The following PTPRG variants were observed in gnomAD, a reference collection of about 807,000 sequenced individuals.
PTPRG encodes the protein protein tyrosine phosphatase receptor type G.
Under a neutral mutation model 165.3 loss-of-function variants are expected in PTPRG, and 102 were observed. That is an observed-to-expected ratio of 0.62 (90% CI 0.53 to 0.73). The LOEUF (loss-of-function observed/expected upper bound fraction) is 0.73, where lower values mean the gene tolerates loss of function less well. Ranked by LOEUF, PTPRG falls within the 30% of genes least tolerant of loss-of-function variation. The pLI is 0.00. For synonymous variants in PTPRG, 675 were observed against 669.5 expected (o/e 1.01, Z -0.13); for missense variants, 1,866 against 1,861.4 (o/e 1.00, Z -0.05).
At chr3:61,995,883 G>A (rs1021949122) in intron 3 of PTPRG, among the ~76,000 whole-genome samples, 21 of 151,716 alleles carry the variant, frequency 1.4e-4, no homozygotes, top group Non-Finnish European at 2.6e-4. Flanking sequence ...TGTTGGACTC[G>A]ATATGTCTTT....
At chr3:61,995,495 G>A (rs1372387226) in intron 3 of PTPRG, among the ~76,000 whole-genome samples, 1 of 152,092 alleles carries the variant, frequency 6.6e-6, no homozygotes, top group African/African-American at 2.4e-5. Flanking sequence ...ACAGTGGCAT[G>A]GTTGCTCAAG....
chr3:62,129,800 A>G (rs1213348844), intron 5 of PTPRG, among the ~76,000 whole-genome samples: 1 of 152,224 alleles, frequency 6.6e-6, no homozygotes, highest in African/African-American at 2.4e-5. Flanking sequence ...ATCCAAGATC[A>G]GAGTATCTGA....
At chr3:61,857,749 G>A (rs966201335) in intron 2 of PTPRG, among the ~76,000 whole-genome samples, 2 of 152,124 alleles carry the variant, frequency 1.3e-5, no homozygotes, top group East Asian at 1.9e-4. Flanking sequence ...TGAATGTTGG[G>A]TGTGTGTTGT....
At chr3:61,869,032 A>T (rs150582418) in intron 2 of PTPRG, among the ~76,000 whole-genome samples, 3 of 151,936 alleles carry the variant, frequency 2.0e-5, no homozygotes, top group African/African-American at 7.3e-5. Flanking sequence ...ATAAAGCATT[A>T]GGAGGACGGC....
At chr3:61,898,128 C>T (rs919592839) in intron 2 of PTPRG, among the ~76,000 whole-genome samples, 5 of 152,180 alleles carry the variant, frequency 3.3e-5, no homozygotes, top group African/African-American at 9.7e-5. Flanking sequence ...GCCTTGTTCC[C>T]AATCTTAGAA....
intron 2 of PTPRG, among the ~76,000 whole-genome samples, chr3:61,771,651 T>C (rs1047224101): frequency 1.3e-5 from 2 of 152,226 alleles, no homozygotes; most frequent in Non-Finnish European, 2.9e-5. Flanking sequence ...ATTTCCTACC[T>C]TGGCTTAATG....
intron 6 of PTPRG, among the ~76,000 whole-genome samples, chr3:62,153,164 G>A (rs1455935904): frequency 6.6e-6 from 1 of 152,114 alleles, no homozygotes; most frequent in Admixed American, 6.6e-5. Flanking sequence ...TTTACTCTTT[G>A]GTACTTTATA....
intron 1 of PTPRG, among the ~76,000 whole-genome samples, chr3:61,591,052 A>G (rs1364767930): frequency 1.3e-5 from 2 of 151,976 alleles, no homozygotes; most frequent in African/African-American, 4.8e-5. Context: ...GTGGAGTGAA[A>G]CCTCCACTGG....
At chr3:61,844,320 G>A (rs1033366057) in intron 2 of PTPRG, among the ~76,000 whole-genome samples, 6 of 152,224 alleles carry the variant, frequency 3.9e-5, no homozygotes, top group Middle Eastern at 3.4e-3. Flanking sequence ...ATGAAATGGC[G>A]TATTAGCCTT....
At chr3:62,072,883 G>T (rs1167668070) in intron 4 of PTPRG, among the ~76,000 whole-genome samples, 1 of 152,096 alleles carries the variant, frequency 6.6e-6, no homozygotes, top group Non-Finnish European at 1.5e-5. Context: ...AATAACCTTT[G>T]AACCAGGACT....
intron 13 of PTPRG, among the ~76,000 whole-genome samples, chr3:62,226,773 C>A (rs990035005): frequency 6.6e-5 from 10 of 152,294 alleles, no homozygotes; most frequent in African/African-American, 2.4e-4. Flanking sequence ...TTCACTTCAG[C>A]ACATGACCAA....
chr3:62,015,554 C>G (rs1443173254), intron 4 of PTPRG, among the ~76,000 whole-genome samples: 1 of 152,168 alleles, frequency 6.6e-6, no homozygotes. Flanking sequence ...GTTGCCCAGT[C>G]TGGCCTCGAA....
chr3:62,273,891 T>TAAATGCC lies in PTPRG; in HGVS notation c.3465+48_3465+54dup. ...TTTGGCATAAAGCAAGAAAATGTTTTAAATGCCTTGAGTTTGGGGGTTATG... is the reference window on the plus strand; with the variant it reads ...TTTGGCATAAAGCAAGAAAATGTTTTAAATGCCAAATGCCTTGAGTTTGGGGGTTATG... On this transcript the variant is annotated intron_variant, in intron 23 of 29. Transcript: ENST00000474889. The surrounding 1 kb of genome is among the most constrained non-coding windows in gnomAD (Gnocchi z 4.1). 6.3e-7 allele frequency: 1 copy of TAAATGCC among 1,589,216 alleles called. No individual in the cohort carries two copies. The highest frequency in any genetic ancestry group is 8.6e-7 in the Non-Finnish European group (1 of 1,161,134).
chr3:62,273,001 A>G lies in PTPRG; in HGVS notation c.3238A>G (p.Ile1080Val), dbSNP rs1702115216. 1 of 1,613,918 alleles carries G rather than the reference A, an allele frequency of 6.2e-7. No individual in the cohort carries two copies. The highest frequency in any genetic ancestry group is 8.5e-7 in the Non-Finnish European group (1 of 1,179,860). The change falls in exon 22 of 30, where the codon ATA (isoleucine) becomes GTA (valine). Residue 1080 changes from isoleucine (I) to valine (V), a missense_variant. Ile to Val is a conservative substitution (Grantham distance 29, BLOSUM62 3). Transcript: ENST00000474889. This position sits in a 1 kb window ranked among gnomAD's most constrained non-coding sequence, Gnocchi z 4.1. ...YIVIDSMLQQ[I>V]KDKSTVNVLG... ...TGTAATAGACAGCATGCTGCAACAG[A>G]TAAAAGACAAAAGCACAGTTAACGT...
chr3:61,892,021 T>C (rs1356459350), intron 2 of PTPRG, among the ~76,000 whole-genome samples: 1 of 152,226 alleles, frequency 6.6e-6, no homozygotes, highest in Non-Finnish European at 1.5e-5. Flanking sequence ...ATTTACTAAC[T>C]GCTGGTAATG....
chr3:61,996,769 A>G (rs1205143773), intron 3 of PTPRG, among the ~76,000 whole-genome samples: 1 of 152,104 alleles, frequency 6.6e-6, no homozygotes, highest in Non-Finnish European at 1.5e-5. Context: ...TTTCATTCTA[A>G]TACTATCCAG....
intron 2 of PTPRG, among the ~76,000 whole-genome samples, chr3:61,912,344 T>C (rs1319786268): frequency 2.6e-5 from 4 of 152,108 alleles, no homozygotes; most frequent in Non-Finnish European, 5.9e-5. Context: ...GTAGGAGGAA[T>C]TTGCATAATG....
At chr3:61,620,125 C>A (rs1049210247) in intron 1 of PTPRG, among the ~76,000 whole-genome samples, 1 of 152,026 alleles carries the variant, frequency 6.6e-6, no homozygotes, top group Non-Finnish European at 1.5e-5. Flanking sequence ...AATGATGGCA[C>A]TTCTGATTTT....
chr3:61,926,602 TCCCTCCC>T (rs1559693504), intron 2 of PTPRG, among the ~76,000 whole-genome samples: 5 of 31,544 alleles, frequency 1.6e-4, no homozygotes, highest in African/African-American at 3.2e-4. Flanking sequence ...CCTCCCTCCC[TCCCTCCC>T]TCCTTCCTTC....
Sources: allele counts gnomAD v4.1 joint callset (sites outside exome capture counted in the v4.1 genomes callset), GRCh38; gene constraint gnomAD v4.1.1; non-coding constraint Gnocchi (gnomAD v3.1); transcripts MANE v1.5; gene names NCBI Gene and HGNC (gene_info 2026-07-23, HGNC 2026-07-21).